Variants in MIR2052HG observed in about 807,000 individuals in gnomAD.
MIR2052HG encodes the protein MIR2052 host gene.
chr8:74,708,347 T>G (rs543877450), intron 4 of MIR2052HG, among the ~76,000 whole-genome samples: 1 of 152,270 alleles, frequency 6.6e-6, no homozygotes, highest in Non-Finnish European at 1.5e-5. Context: ...TAGCGGGGCA[T>G]TCCAGTCCAA....
chr8:74,637,228 T>A (rs1445580495), intron 2 of MIR2052HG, among the ~76,000 whole-genome samples: 3 of 152,146 alleles, frequency 2.0e-5, no homozygotes, highest in African/African-American at 7.2e-5. Flanking sequence ...AAGGACTACA[T>A]GTCAGAATCC....
At chr8:74,604,375 G>T in intron 1 of MIR2052HG, 1 of 472,022 alleles carries the variant, frequency 2.1e-6, no homozygotes, top group South Asian at 2.0e-5. Flanking sequence ...GGGGAAGGGC[G>T]GGAGGCCGGG....
intron 2 of MIR2052HG, among the ~76,000 whole-genome samples, chr8:74,680,528 A>T (rs1809111227): frequency 6.6e-6 from 1 of 152,180 alleles, no homozygotes; most frequent in Non-Finnish European, 1.5e-5. Context: ...ATCTCACACC[A>T]GTTAGAATGG....
At chr8:74,640,062 G>T (rs894659745) in intron 2 of MIR2052HG, among the ~76,000 whole-genome samples, 4 of 152,078 alleles carry the variant, frequency 2.6e-5, no homozygotes, top group Non-Finnish European at 2.9e-5. Flanking sequence ...GATCACTTAG[G>T]TTCTATCTTA....
chr8:74,648,379 T>G (rs62521641), intron 2 of MIR2052HG, among the ~76,000 whole-genome samples: 3,917 of 152,298 alleles, frequency 0.026, 66 homozygotes, highest in Non-Finnish European at 0.04. Flanking sequence ...TTGTCTGCTC[T>G]CGAACTCTGT....
At chr8:74,749,410 A>C (rs938857162) in intron 4 of MIR2052HG, among the ~76,000 whole-genome samples, 15 of 152,146 alleles carry the variant, frequency 9.9e-5, no homozygotes, top group African/African-American at 2.7e-4. Flanking sequence ...TAAAAAAAAA[A>C]ACAAAACTTG....
At chr8:74,631,711 A>T (rs1808514195) in intron 2 of MIR2052HG, among the ~76,000 whole-genome samples, 1 of 152,170 alleles carries the variant, frequency 6.6e-6, no homozygotes, top group Admixed American at 6.5e-5. Context: ...TCAATGACAG[A>T]AATTTATTTC....
At position 74,614,656 on chromosome 8, in the gene MIR2052HG, T is replaced by C. The variant is rs564555601; in HGVS notation, n.216+1716T>C. Among the ~76,000 whole-genome samples, 3 of 152,226 alleles carry C rather than the reference T, an allele frequency of 2.0e-5. No individual in the cohort carries two copies. In the East Asian group the frequency reaches 5.8e-4, roughly 29 times the overall value. On this transcript the variant is annotated intron_variant and non_coding_transcript_variant, in intron 2 of 6. Coordinates refer to ENST00000523442, the Ensembl canonical transcript of MIR2052HG. ...CTTGTATTTCTTTTCTTTATTTCTA[T>C]TCTGATTCCTATTTCTTTTCTTTTT...
intron 1 of MIR2052HG, among the ~76,000 whole-genome samples, chr8:74,602,876 T>TCTTTCTTTCC (rs1554570015): frequency 1.5e-5 from 2 of 137,178 alleles, no homozygotes; most frequent in South Asian, 2.3e-4. Flanking sequence ...TTTCTTTCTT[T>TCTTTCTTTCC]TTTCTATTCA....
At position 74,600,274 on chromosome 8, in the gene MIR2052HG, T is replaced by C. The variant is rs548419611; in HGVS notation, n.128+366T>C. Among the ~76,000 whole-genome samples, 9 of 151,300 alleles carry C rather than the reference T, an allele frequency of 5.9e-5. No individual in the cohort carries two copies. In the East Asian group the frequency reaches 1.8e-3, roughly 30 times the overall value. On this transcript the variant is annotated intron_variant and non_coding_transcript_variant, in intron 1 of 6. Transcript: ENST00000523442. ...TCCCTGAAAGCTCTGTTTTATTTCT[T>C]TTCTTTTTTTTTTTTGAGATGGAGT...
intron 2 of MIR2052HG, among the ~76,000 whole-genome samples, chr8:74,663,572 T>G (rs1227346740): frequency 1.3e-5 from 2 of 152,252 alleles, no homozygotes; most frequent in African/African-American, 4.8e-5. Context: ...CTTTCAAAAC[T>G]ATTTGTTCAA....
rs542941829 is a variant in MIR2052HG at position 74,733,251 on chromosome 8, G to T, written n.372-19190G>T. 7.0e-4 allele frequency among the ~76,000 whole-genome samples: 106 copies of T among 151,816 alleles called. 1 individual carries two copies. The highest frequency in any genetic ancestry group is 2.3e-3 in the African/African-American group (94 of 41,390). On this transcript the variant is annotated intron_variant and non_coding_transcript_variant, in intron 4 of 6. Coordinates refer to ENST00000523442, the Ensembl canonical transcript of MIR2052HG. ...CCCCGCTCTCCCCACCCCACAACAG[G>T]CCCCAGAGTGTGATGTTCCCCTTCC...
chr8:74,684,758 A>G (rs532546904), intron 2 of MIR2052HG, among the ~76,000 whole-genome samples: 1 of 152,288 alleles, frequency 6.6e-6, no homozygotes, highest in African/African-American at 2.4e-5. Context: ...TCCTTGATTT[A>G]CATATACTTT....
intron 2 of MIR2052HG, among the ~76,000 whole-genome samples, chr8:74,621,537 A>T (rs1647638270): frequency 6.6e-6 from 1 of 152,242 alleles, no homozygotes; most frequent in African/African-American, 2.4e-5. Context: ...CCCTCTTCAC[A>T]GGGCAGCAGG....
intron 2 of MIR2052HG, among the ~76,000 whole-genome samples, chr8:74,675,633 C>G (rs1019993446): frequency 6.6e-6 from 1 of 151,786 alleles, no homozygotes; most frequent in Admixed American, 6.6e-5. Flanking sequence ...GTAATTACTC[C>G]AAGTGGGGTC....
At chr8:74,730,362 T>C (rs1313771212) in intron 4 of MIR2052HG, among the ~76,000 whole-genome samples, 1 of 152,110 alleles carries the variant, frequency 6.6e-6, no homozygotes, top group Non-Finnish European at 1.5e-5. Flanking sequence ...ACAAACCAGG[T>C]TTTCTCATGA....
intron 2 of MIR2052HG, among the ~76,000 whole-genome samples, chr8:74,647,530 A>G (rs577944963): frequency 6.7e-6 from 1 of 149,000 alleles, no homozygotes; most frequent in Non-Finnish European, 1.5e-5. Context: ...AAGTTTTTTC[A>G]TTCAGATTTA....
intron 5 of MIR2052HG, among the ~76,000 whole-genome samples, chr8:74,754,642 C>T (rs1364107677): frequency 6.6e-6 from 1 of 152,126 alleles, no homozygotes; most frequent in Non-Finnish European, 1.5e-5. Context: ...GTTTTCAGCC[C>T]CAGACTACAG....
chr8:74,743,165 A>C (rs1366141492), intron 4 of MIR2052HG, among the ~76,000 whole-genome samples: 1 of 152,184 alleles, frequency 6.6e-6, no homozygotes, highest in Non-Finnish European at 1.5e-5. Context: ...AAATGTGAAC[A>C]GACTAAAAAC....
Sources: gnomAD v4.1 joint callset for allele counts (sites outside exome capture counted in the v4.1 genomes callset) on GRCh38, gnomAD v4.1.1 for gene constraint, MANE v1.5 for transcripts, NCBI Gene and HGNC (gene_info 2026-07-23, HGNC 2026-07-21) for gene names.